FER: variants seen among roughly 807,000 people sequenced by gnomAD.
FER encodes tyrosine-protein kinase Fer.
A neutral mutation model predicts 111.0 loss-of-function variants in FER; 63 were observed. That is an observed-to-expected ratio of 0.57 (90% CI 0.46 to 0.70). The LOEUF (loss-of-function observed/expected upper bound fraction) is 0.70. Ranked by LOEUF, FER falls within the 30% of genes least tolerant of loss-of-function variation. FER has a pLI of 0.00. For synonymous variants in FER, 327 were observed against 313.9 expected (o/e 1.04, Z -0.44); for missense variants, 914 against 954.0 (o/e 0.96, Z 0.55).
chr5:109,191,767 A>C lies in FER; in HGVS notation c.*4192A>C, dbSNP rs908940154. The C allele has an allele frequency of 6.6e-6, 1 of 152,078 alleles. No homozygotes were observed. The highest frequency in any genetic ancestry group is 1.5e-5 in the Non-Finnish European group (1 of 67,992). The allele number at this position is 152,078 out of a possible 1,614,324, so 9.4% of individuals were successfully genotyped here. On this transcript the variant is annotated 3_prime_UTR_variant, in exon 20 of 20. Transcript: ENST00000281092. Reference sequence around the variant, plus strand: ...ATATTTTAATTTCATTTATTTTTCTATGTTTTGATTAGTTTCACATCAAGT... The same window carrying C: ...ATATTTTAATTTCATTTATTTTTCTCTGTTTTGATTAGTTTCACATCAAGT...
At chr5:109,106,871 C>T (rs1748999026) in intron 17 of FER, among the ~76,000 whole-genome samples, 1 of 152,084 alleles carries the variant, frequency 6.6e-6, no homozygotes, top group African/African-American at 2.4e-5. Context: ...GTTAATGTAC[C>T]AGCATATCTA....
intron 16 of FER, among the ~76,000 whole-genome samples, chr5:109,062,541 A>G (rs1257627279): frequency 6.6e-6 from 1 of 151,130 alleles, no homozygotes; most frequent in Non-Finnish European, 1.5e-5. Context: ...AAAAAAAAAT[A>G]TATATAACAA....
At chr5:109,142,900 T>G (rs1234962436) in intron 17 of FER, among the ~76,000 whole-genome samples, 5 of 152,126 alleles carry the variant, frequency 3.3e-5, no homozygotes, top group Admixed American at 3.3e-4. Flanking sequence ...TAGACGATAC[T>G]GAGGAAGCCT....
At chr5:109,121,170 C>T (rs1331736234) in intron 17 of FER, among the ~76,000 whole-genome samples, 1 of 152,034 alleles carries the variant, frequency 6.6e-6, no homozygotes, top group African/African-American at 2.4e-5. Flanking sequence ...TTGTCATGTT[C>T]TAGATCTTAG....
chr5:109,110,443 A>T (rs1165909998), intron 17 of FER, among the ~76,000 whole-genome samples: 2 of 152,010 alleles, frequency 1.3e-5, no homozygotes, highest in Non-Finnish European at 2.9e-5. Flanking sequence ...GCAAGATAGA[A>T]CAGAGACAGG....
At chr5:109,175,149 A>C (rs186304719) in intron 17 of FER, among the ~76,000 whole-genome samples, 35 of 152,342 alleles carry the variant, frequency 2.3e-4, no homozygotes, top group Admixed American at 2.2e-3. Context: ...AGTTGAATCT[A>C]ATTAGAAAGG....
chr5:109,160,202 A>G (rs1755848316), intron 17 of FER, among the ~76,000 whole-genome samples: 1 of 152,138 alleles, frequency 6.6e-6, no homozygotes, highest in Non-Finnish European at 1.5e-5. Context: ...GGTAACTCTT[A>G]GGATTCAGTC....
intron 3 of FER, among the ~76,000 whole-genome samples, chr5:108,809,780 C>T (rs1358203795): frequency 6.6e-6 from 1 of 152,162 alleles, no homozygotes; most frequent in Non-Finnish European, 1.5e-5. Flanking sequence ...CCAGGCTGTT[C>T]TCAAACTTCT....
At chr5:109,142,109 C>G (rs1053925500) in intron 17 of FER, among the ~76,000 whole-genome samples, 7 of 152,030 alleles carry the variant, frequency 4.6e-5, no homozygotes, top group African/African-American at 1.7e-4. Flanking sequence ...GAAGAAAAGG[C>G]ATTCATAATC....
intron 11 of FER, among the ~76,000 whole-genome samples, chr5:108,953,058 TTACTC>T (rs1757975164): frequency 6.6e-6 from 1 of 152,092 alleles, no homozygotes; most frequent in Middle Eastern, 3.4e-3. Flanking sequence ...ATTTTAGAAT[TTACTC>T]TAATTAGATG....
At chr5:109,053,425 T>C (rs548076387) in intron 16 of FER, among the ~76,000 whole-genome samples, 1 of 151,112 alleles carries the variant, frequency 6.6e-6, no homozygotes, top group East Asian at 2.0e-4. Context: ...GTGAAGCTCA[T>C]TGTGGCAGAT....
chr5:108,961,506 T>A (rs1759145762), intron 13 of FER, among the ~76,000 whole-genome samples: 1 of 152,186 alleles, frequency 6.6e-6, no homozygotes, highest in Admixed American at 6.5e-5. Flanking sequence ...CACCATCTGA[T>A]AGAACTAGCT....
chr5:108,981,027 G>A (rs900319711), intron 13 of FER, among the ~76,000 whole-genome samples: 4 of 152,012 alleles, frequency 2.6e-5, no homozygotes, highest in Admixed American at 6.5e-5. Flanking sequence ...ATTGACCCAC[G>A]GTTGCCAAAC....
intron 13 of FER, among the ~76,000 whole-genome samples, chr5:108,969,896 TAG>T (rs1331245049): frequency 6.7e-6 from 1 of 148,182 alleles, no homozygotes; most frequent in Non-Finnish European, 1.5e-5. Flanking sequence ...ATGATTACCT[TAG>T]AGTGGAGTAG....
At chr5:108,908,989 T>C (rs912051036) in intron 10 of FER, among the ~76,000 whole-genome samples, 3 of 152,174 alleles carry the variant, frequency 2.0e-5, no homozygotes, top group African/African-American at 7.2e-5. Flanking sequence ...CAAGATGACA[T>C]CACTGTTCTC....
chr5:108,973,395 C>A (rs1179571695), intron 13 of FER, among the ~76,000 whole-genome samples: 1 of 151,880 alleles, frequency 6.6e-6, no homozygotes, highest in East Asian at 1.9e-4. Context: ...GTTAGAAAAA[C>A]CAAAGACATT....
At chr5:108,752,771 ATGTC>A in intron 1 of FER, among the ~76,000 whole-genome samples, 1 of 152,032 alleles carries the variant, frequency 6.6e-6, no homozygotes, top group Admixed American at 6.5e-5. Context: ...TAAAAATTTA[ATGTC>A]ATGCATGTTT....
In FER at chr5:108,911,607, T is replaced by C. The variant is rs568834150; in HGVS notation, c.1236+13759T>C. 1.3e-3 allele frequency among the ~76,000 whole-genome samples: 199 copies of C among 152,336 alleles called. 1 individual carries two copies. The highest frequency in any genetic ancestry group is 4.4e-3 in the African/African-American group (184 of 41,572). ...ATTTTTATAGTTTCAGGTTTACGTT[T>C]GAGTCTTTAATCCATCTCGAGTTAA... On this transcript the variant is annotated intron_variant, in intron 10 of 19. Coordinates refer to ENST00000281092, the MANE Select transcript of FER (RefSeq NM_005246.4).
chr5:108,891,556 C>A (rs1748056382), intron 9 of FER: 1 of 151,820 alleles, frequency 6.6e-6, no homozygotes. Context: ...AAAAAAAAGT[C>A]CATTTTATTT....
Sources: allele counts gnomAD v4.1 joint callset (sites outside exome capture counted in the v4.1 genomes callset), GRCh38; gene constraint gnomAD v4.1.1; transcripts MANE v1.5; gene names NCBI Gene and HGNC (gene_info 2026-07-23, HGNC 2026-07-21).